Variants in PTK2 observed in about 807,000 individuals in gnomAD.
PTK2 encodes protein tyrosine kinase 2, also known as focal adhesion kinase 1.
PTK2 carries 45 observed loss-of-function variants against 150.1 expected under a neutral mutation model. The ratio of observed to expected loss-of-function variants is 0.30; its 90% confidence interval spans 0.24 to 0.38. PTK2 has a LOEUF of 0.38. Among genes scored for constraint, PTK2 ranks in the 10% least tolerant of loss-of-function variants. The pLI, the probability that PTK2 is intolerant of heterozygous loss-of-function variation, is 1.00. For missense variants in PTK2, 919 were observed against 1,307.3 expected (o/e 0.70, Z 4.58); for synonymous variants, 432 against 449.2 (o/e 0.96, Z 0.48).
At chr8:140,985,913 T>C (rs886235390) in intron 1 of PTK2, among the ~76,000 whole-genome samples, 1 of 152,232 alleles carries the variant, frequency 6.6e-6, no homozygotes, top group Non-Finnish European at 1.5e-5. Context: ...CACTGTACCT[T>C]AGGGATAGAT....
intron 1 of PTK2, among the ~76,000 whole-genome samples, chr8:140,953,707 G>T (rs894276567): frequency 2.0e-5 from 3 of 152,214 alleles, no homozygotes; most frequent in Non-Finnish European, 4.4e-5. Context: ...AGACTGGGGG[G>T]AGGGAGCTGC....
At chr8:140,681,553 G>A (rs762323270) in intron 27 of PTK2, among the ~76,000 whole-genome samples, 14 of 151,730 alleles carry the variant, frequency 9.2e-5, no homozygotes, top group African/African-American at 2.2e-4. Context: ...GGGCAGGGGG[G>A]GATCACGAAG....
At chr8:140,839,503 C>T (rs1198219311) in intron 7 of PTK2, among the ~76,000 whole-genome samples, 2 of 152,108 alleles carry the variant, frequency 1.3e-5, no homozygotes, top group African/African-American at 4.8e-5. Context: ...ACAAACACCA[C>T]AGATGGGCAT....
At chr8:140,914,801 C>T (rs1461162615) in intron 2 of PTK2, among the ~76,000 whole-genome samples, 3 of 151,860 alleles carry the variant, frequency 2.0e-5, no homozygotes, top group Non-Finnish European at 2.9e-5. Flanking sequence ...TCTGAGAGGC[C>T]GAGGCGAGTG....
chr8:140,944,194 T>C (rs1203675962), intron 1 of PTK2, among the ~76,000 whole-genome samples: 1 of 152,210 alleles, frequency 6.6e-6, no homozygotes. Context: ...TTTCCCTGTT[T>C]TGACGAGTAT....
intron 31 of PTK2, among the ~76,000 whole-genome samples, chr8:140,660,328 T>C (rs938161123): frequency 9.9e-5 from 15 of 152,206 alleles, no homozygotes; most frequent in African/African-American, 3.6e-4. Flanking sequence ...AGCTCTTTAG[T>C]CTCCAAGCCA....
chr8:140,987,268 C>T (rs1429019132), intron 1 of PTK2, among the ~76,000 whole-genome samples: 1 of 152,154 alleles, frequency 6.6e-6, no homozygotes, highest in Admixed American at 6.5e-5. Context: ...GCAACCTCTG[C>T]CGCCCAGGTT....
chr8:140,900,848 T>C (rs536712809), intron 2 of PTK2, among the ~76,000 whole-genome samples: 90 of 152,234 alleles, frequency 5.9e-4, no homozygotes, highest in Middle Eastern at 3.4e-3. Context: ...AATTTACAGA[T>C]TCAATGGAAT....
chr8:140,844,210 G>A (rs2100123979), intron 7 of PTK2, among the ~76,000 whole-genome samples: 1 of 152,188 alleles, frequency 6.6e-6, no homozygotes, highest in African/African-American at 2.4e-5. Flanking sequence ...GATCACTGGT[G>A]ATGTTGACTT....
chr8:140,981,066 G>T (rs1349008699), intron 1 of PTK2, among the ~76,000 whole-genome samples: 1 of 146,114 alleles, frequency 6.8e-6, no homozygotes, highest in African/African-American at 2.5e-5. Context: ...AGCCTCTAAA[G>T]CTTTTTAATA....
At chr8:140,948,632 A>G (rs2154609034) in intron 1 of PTK2, 1 of 152,350 alleles carries the variant, frequency 6.6e-6, no homozygotes, top group Non-Finnish European at 1.5e-5. Flanking sequence ...GTCATTTAAA[A>G]CAGAGAAGTC....
chr8:140,914,919 G>A (rs1485581686), intron 2 of PTK2, among the ~76,000 whole-genome samples: 1 of 150,398 alleles, frequency 6.6e-6, no homozygotes, highest in African/African-American at 2.4e-5. Context: ...TGTAATCCCA[G>A]CTACTCGGGA....
intron 5 of PTK2, among the ~76,000 whole-genome samples, chr8:140,855,578 G>C (rs956282679): frequency 2.0e-5 from 3 of 152,038 alleles, no homozygotes; most frequent in Admixed American, 1.3e-4. Context: ...CTGGACAACA[G>C]AGCAAGACTC....
At chr8:140,804,690 T>C (rs1245158835) in intron 10 of PTK2, among the ~76,000 whole-genome samples, 1 of 152,228 alleles carries the variant, frequency 6.6e-6, no homozygotes, top group Non-Finnish European at 1.5e-5. Flanking sequence ...TCCCATTGCA[T>C]GGCGAACAGA....
chr8:140,815,020 C>T (rs1465866275), intron 10 of PTK2, among the ~76,000 whole-genome samples: 1 of 152,080 alleles, frequency 6.6e-6, no homozygotes, highest in Non-Finnish European at 1.5e-5. Context: ...GTGATCCGCC[C>T]ACCTTGGCCT....
intron 25 of PTK2, among the ~76,000 whole-genome samples, chr8:140,702,128 C>CAAAA (rs749591009): frequency 1.0e-3 from 44 of 42,722 alleles, no homozygotes; most frequent in Non-Finnish European, 1.1e-3. Flanking sequence ...ACTCTGTCTC[C>CAAAA]AAAAAAAAAA....
At chr8:140,711,543 T>A (rs1198217156) in intron 23 of PTK2, among the ~76,000 whole-genome samples, 1 of 152,264 alleles carries the variant, frequency 6.6e-6, no homozygotes, top group Non-Finnish European at 1.5e-5. Flanking sequence ...TTGTATAGTT[T>A]ATGAGGCACT....
intron 22 of PTK2, among the ~76,000 whole-genome samples, chr8:140,722,605 G>A (rs1172461606): frequency 2.0e-5 from 3 of 152,082 alleles, no homozygotes; most frequent in Non-Finnish European, 2.9e-5. Context: ...AAGGACCTGC[G>A]AATGGTCACT....
At chr8:140,962,881 C>T (rs35772678) in intron 1 of PTK2, among the ~76,000 whole-genome samples, 16 of 151,826 alleles carry the variant, frequency 1.1e-4, no homozygotes, top group East Asian at 3.9e-4. Flanking sequence ...GGTCCCCCCC[C>T]CCAACCCAAC....
Sources: allele counts gnomAD v4.1 joint callset (sites outside exome capture counted in the v4.1 genomes callset), GRCh38; gene constraint gnomAD v4.1.1; transcripts MANE v1.5; gene names NCBI Gene and HGNC (gene_info 2026-07-23, HGNC 2026-07-21).